KDR: variants seen among roughly 807,000 people sequenced by gnomAD.
KDR encodes kinase insert domain receptor.
A neutral mutation model predicts 160.9 loss-of-function variants in KDR; 43 were observed. The observed-to-expected ratio is 0.27, with a 90% CI of 0.21 to 0.34. The LOEUF is 0.34. Among genes scored for constraint, KDR ranks in the 10% least tolerant of loss-of-function variants. The pLI, the probability that KDR is intolerant of heterozygous loss-of-function variation, is 1.00. For synonymous variants in KDR, 617 were observed against 600.1 expected (o/e 1.03, Z -0.41); for missense variants, 1,469 against 1,666.4 (o/e 0.88, Z 2.06).
At position 55,102,611 on chromosome 4, in the gene KDR, T is replaced by C. The variant is rs577460501; in HGVS notation, c.1988-103A>G. The stretch of plus-strand genomic sequence containing the variant: ...CAGTTTAAATTTAGTAAAAAGGAAC[T>C]TGTTGATATATTAACTTCTGGGAAA... On this transcript the variant is annotated intron_variant, in intron 13 of 29. Transcript: ENST00000263923. The C allele has an allele frequency of 7.4e-4, 927 of 1,246,474 alleles. 2 individuals are homozygous for C. The highest frequency in any genetic ancestry group is 2.1e-3 in the Middle Eastern group (11 of 5,362). 77.2% of individuals were successfully genotyped at this position (1,246,474 alleles called of 1,614,324 possible). A position where few individuals can be genotyped will look rare whatever the true frequency, so the allele number is the denominator to read the frequency against.
chr4:55,094,141 G>A (rs113357651), intron 21 of KDR, among the ~76,000 whole-genome samples: 34 of 152,124 alleles, frequency 2.2e-4, no homozygotes, highest in African/African-American at 7.2e-4. Flanking sequence ...CCCAAAAGGC[G>A]AAGGTTTCAG....
intron 29 of KDR, among the ~76,000 whole-genome samples, chr4:55,081,199 G>A (rs1212630122): frequency 6.6e-6 from 1 of 151,668 alleles, no homozygotes; most frequent in Admixed American, 6.6e-5. Flanking sequence ...TTTTTTGTTT[G>A]TTTTCTTTTT....
At chr4:55,082,973 G>C (rs758121555) in intron 27 of KDR, among the ~76,000 whole-genome samples, 1 of 152,098 alleles carries the variant, frequency 6.6e-6, no homozygotes, top group Non-Finnish European at 1.5e-5. Flanking sequence ...TTCCTCCATC[G>C]AGCTCTGGAT....
intron 13 of KDR, among the ~76,000 whole-genome samples, chr4:55,103,784 A>G (rs796339383): frequency 1.9e-4 from 29 of 152,258 alleles, no homozygotes; most frequent in African/African-American, 7.0e-4. Context: ...AACAGTAAAA[A>G]AAAAACAGAG....
rs1371611294 is a variant in KDR, at chr4:55,104,635, C to T, written c.1987+8G>A. On this transcript the variant is annotated splice_region_variant and intron_variant, in intron 13 of 29. Coordinates refer to ENST00000263923, the MANE Select transcript of KDR (RefSeq NM_002253.4). ...CCTCTGCACAATGATCCAGAATTGT[C>T]TCCCTACCTAGGACTGTGAGCTGCC... 1 of 1,611,126 alleles carries T rather than the reference C, an allele frequency of 6.2e-7. No individual in the cohort carries two copies. Among genetic ancestry groups the T allele is most frequent in the Non-Finnish European group, 8.5e-7 (1 of 1,177,930 alleles).
At chr4:55,113,162 C>G (rs1307331832) in intron 7 of KDR, 142 bp downstream of exon 7, 1 of 851,674 alleles carries the variant, frequency 1.2e-6, no homozygotes, top group African/African-American at 1.7e-5. Context: ...TGCTCTTGAC[C>G]TCTAGGTCAT....
intron 1 of KDR, among the ~76,000 whole-genome samples, chr4:55,122,118 A>T (rs1720896333): frequency 6.6e-6 from 1 of 152,198 alleles, no homozygotes; most frequent in Non-Finnish European, 1.5e-5. Flanking sequence ...ACTCATCCTG[A>T]CATCAAGCTT....
Position 55,107,791 on chromosome 4 carries a change from G to C in KDR, c.1358C>G (p.Pro453Arg), listed in dbSNP as rs769193899. ...LTCTVYAIPP[P>R]HHIHWYWQLE... ...CTGCCAATACCAGTGGATGTGATGC[G>C]GGGGAGGAATGGCATAGACCGTACA... Residue 453 changes from proline to arginine, a missense_variant, in exon 10 of 30, where the codon CCG (proline) becomes CGG (arginine). Coordinates refer to ENST00000263923, the MANE Select transcript of KDR (RefSeq NM_002253.4). 1 of 1,613,990 alleles carries C rather than the reference G, an allele frequency of 6.2e-7. No individual in the cohort carries two copies. The highest frequency in any genetic ancestry group is 8.5e-7 in the Non-Finnish European group (1 of 1,179,928).
intron 3 of KDR, among the ~76,000 whole-genome samples, chr4:55,116,553 A>G (rs372263336): frequency 1.8e-4 from 27 of 152,294 alleles, no homozygotes; most frequent in African/African-American, 6.3e-4. Flanking sequence ...TCTCAGAGAG[A>G]TAACATTTCA....
chr4:55,097,728 C>G lies in KDR; in HGVS notation c.2548G>C (p.Glu850Gln), dbSNP rs1720198128. ...TTGTCAATTCCAAAGGCATCTGCTT[C>G]AATCACTTGGCCAAAGGCACCACGG... ...LGRGAFGQVI[E>Q]ADAFGIDKTA... Residue 850 changes from glutamate (E) to glutamine (Q), a missense_variant, in exon 18 of 30, where the codon GAA becomes CAA. This residue lies in a region of KDR where 151 missense variants were observed against 207.2 expected (regional missense o/e 0.73). Transcript: ENST00000263923. 2 of 1,613,344 alleles carry G rather than the reference C, an allele frequency of 1.2e-6. No homozygotes were observed. Among genetic ancestry groups the G allele is most frequent in the Non-Finnish European group, 1.7e-6 (2 of 1,179,648 alleles).
In KDR at chr4:55,121,610, G is replaced by A. The variant is rs79163032; in HGVS notation, c.68-420C>T. Among the ~76,000 whole-genome samples, 362 of 152,266 alleles carry A rather than the reference G, an allele frequency of 2.4e-3. 7 individuals carry two copies. The East Asian group carries it at 0.051, about 21-fold the overall frequency. On this transcript the variant is annotated intron_variant, in intron 1 of 29. Coordinates refer to ENST00000263923, the MANE Select transcript of KDR (RefSeq NM_002253.4). ...GCTGATTAACGAATCCCACTTAGAC[G>A]GATTTTTATATAGTTCATCTACGTA...
At chr4:55,084,725 C>T (rs1382308748) in intron 27 of KDR, among the ~76,000 whole-genome samples, 1 of 152,192 alleles carries the variant, frequency 6.6e-6, no homozygotes, top group African/African-American at 2.4e-5. Context: ...TCCATACAGA[C>T]TCCCTTGGAA....
chr4:55,095,520 T>G, intron 20 of KDR, 57 bp downstream of exon 20: 1 of 1,291,946 alleles, frequency 7.7e-7, no homozygotes, highest in Non-Finnish European at 1.1e-6. Flanking sequence ...ACCTGTACCA[T>G]TTTGAGTTTC....
At chr4:55,081,186 G>GT (rs1020995192) in intron 29 of KDR, among the ~76,000 whole-genome samples, 1 of 151,686 alleles carries the variant, frequency 6.6e-6, no homozygotes, top group Non-Finnish European at 1.5e-5. Context: ...ATATGTTGGG[G>GT]TTTTTTTTGT....
chr4:55,107,237 G>C (rs910406795), intron 10 of KDR, among the ~76,000 whole-genome samples: 4 of 152,170 alleles, frequency 2.6e-5, no homozygotes, highest in African/African-American at 9.7e-5. Context: ...GGACTGCTTA[G>C]GGTGGTGGTG....
chr4:55,106,841 G>C, intron 10 of KDR, 31 bp from the exon 11 acceptor site: 2 of 1,587,618 alleles, frequency 1.3e-6, no homozygotes, highest in Non-Finnish European at 8.6e-7. Context: ...CGCATATTAT[G>C]ATTTAATTTT....
chr4:55,104,564 C>A (rs577289754), intron 13 of KDR, 79 bp downstream of exon 13: 6 of 1,111,396 alleles, frequency 5.4e-6, no homozygotes, highest in Non-Finnish European at 6.7e-6. Context: ...GGACAGTAAT[C>A]TTTGCATAGC....
intron 10 of KDR, among the ~76,000 whole-genome samples, chr4:55,107,391 T>TCA (rs948488262): frequency 1.3e-5 from 2 of 152,116 alleles, no homozygotes; most frequent in African/African-American, 4.8e-5. Context: ...AGATGGATCT[T>TCA]CACACACACA....
In KDR at chr4:55,098,271, G is replaced by A. The variant is rs1372947244; in HGVS notation, c.2375C>T (p.Ala792Val). ...LVIILRTVKR[A>V]NGGELKTGYL... ...GCCTGTCTTCAGTTCCCCTCCATTG[G>A]CCTGGAAAGCATCAATCCTTCCAGT... The change falls in exon 17 of 30, where the codon GCC becomes GTC. Residue 792 changes from alanine to valine, a missense_variant and splice_region_variant. By Grantham distance (64) the Ala-to-Val change is moderately conservative. Transcript: ENST00000263923. The A allele has an allele frequency of 6.2e-7, 1 of 1,613,686 alleles. No homozygotes were observed. Among genetic ancestry groups the A allele is most frequent in the Non-Finnish European group, 8.5e-7 (1 of 1,179,794 alleles).
Sources: gnomAD v4.1 joint callset for allele counts (sites outside exome capture counted in the v4.1 genomes callset) on GRCh38, gnomAD v4.1.1 for gene constraint, gnomAD v4.1.1 regional missense constraint, MANE v1.5 for transcripts, NCBI Gene and HGNC (gene_info 2026-07-23, HGNC 2026-07-21) for gene names.